DNAH14: variants seen among roughly 807,000 people sequenced by gnomAD.
DNAH14 encodes axonemal beta dynein heavy chain 14.
In DNAH14, 478 loss-of-function variants were observed where a neutral mutation model predicts 520.9. The ratio of observed to expected loss-of-function variants is 0.92; its 90% confidence interval spans 0.85 to 0.99. The LOEUF is 0.99. Among genes scored for constraint, DNAH14 ranks in the 50% least tolerant of loss-of-function variants. The pLI, the probability that DNAH14 is intolerant of heterozygous loss-of-function variation, is 0.00. For synonymous variants in DNAH14, 1,581 were observed against 1,757.2 expected (o/e 0.90, Z 2.51); for missense variants, 4,831 against 5,234.5 (o/e 0.92, Z 2.38).
chr1:225,329,074 C>T (rs1007510814), intron 64 of DNAH14, among the ~76,000 whole-genome samples: 13 of 152,130 alleles, frequency 8.5e-5, no homozygotes, highest in African/African-American at 2.9e-4. Context: ...TTCAAGTCTC[C>T]ATGCTAAACT....
At chr1:225,113,819 G>C (rs922565086) in intron 23 of DNAH14, among the ~76,000 whole-genome samples, 3 of 152,064 alleles carry the variant, frequency 2.0e-5, no homozygotes, top group African/African-American at 7.2e-5. Context: ...AAAGCCCAAG[G>C]GCTCTTTAGT....
chr1:225,073,683 TTTTG>T (rs2071839146), intron 17 of DNAH14, among the ~76,000 whole-genome samples: 1 of 151,930 alleles, frequency 6.6e-6, no homozygotes, highest in African/African-American at 2.4e-5. Flanking sequence ...TGTTGTTTGT[TTTTG>T]TTTTTGTTTT....
At chr1:225,299,508 A>G (rs2150058021) in intron 55 of DNAH14, among the ~76,000 whole-genome samples, 1 of 152,160 alleles carries the variant, frequency 6.6e-6, no homozygotes, top group South Asian at 2.1e-4. Flanking sequence ...TTCTCCCTTC[A>G]CCAAACTTAA....
intron 38 of DNAH14, among the ~76,000 whole-genome samples, chr1:225,194,341 AG>A (rs2085840448): frequency 6.6e-6 from 1 of 152,168 alleles, no homozygotes; most frequent in Non-Finnish European, 1.5e-5. Flanking sequence ...AGAGCAGAAT[AG>A]CCCAGAAATA....
intron 77 of DNAH14, among the ~76,000 whole-genome samples, chr1:225,370,648 A>G (rs1300031063): frequency 6.6e-6 from 1 of 152,112 alleles, no homozygotes; most frequent in African/African-American, 2.4e-5. Flanking sequence ...AAATGTCTCC[A>G]GTATTAAAGA....
intron 8 of DNAH14, among the ~76,000 whole-genome samples, chr1:224,993,215 C>T (rs2063172372): frequency 6.6e-6 from 1 of 152,004 alleles, no homozygotes; most frequent in Admixed American, 6.6e-5. Context: ...TAGTGCTGGG[C>T]CTCATAAAAA....
chr1:224,957,077 G>A (rs2125533567), intron 3 of DNAH14, among the ~76,000 whole-genome samples: 1 of 152,172 alleles, frequency 6.6e-6, no homozygotes, highest in African/African-American at 2.4e-5. Flanking sequence ...GATCACTCTG[G>A]CTGTATATTG....
chr1:225,395,919 G>C (rs2096005224), intron 84 of DNAH14: 1 of 152,164 alleles, frequency 6.6e-6, no homozygotes, highest in African/African-American at 2.4e-5. Context: ...TGAACGTTAG[G>C]AACATGTCAG....
rs774035943 is a variant in DNAH14, at chr1:225,358,567, G to A, written c.11691G>A (p.Lys3897=). 3 of 1,549,420 alleles carry A rather than the reference G, an allele frequency of 1.9e-6. No homozygotes were observed. In the South Asian group the frequency reaches 3.6e-5, roughly 19 times the overall value. Residue 3897 remains lysine, a synonymous_variant, in exon 74 of 86, where the codon AAG becomes AAA. Transcript: ENST00000682510. The part of the protein sequence containing the change: ...RKFITEKMGN[K]YLQRTGVNLK... ...TTATAACTGAAAAAATGGGAAATAA[G>A]TATCTTCAAAGAACTGGAGTTAATT...
intron 69 of DNAH14, among the ~76,000 whole-genome samples, chr1:225,343,020 A>C (rs2095223858): frequency 6.6e-6 from 1 of 152,154 alleles, no homozygotes; most frequent in African/African-American, 2.4e-5. Flanking sequence ...GTATCAGTGC[A>C]ATGTCTTGTA....
chr1:225,160,679 A>G (rs2081427986), intron 35 of DNAH14, among the ~76,000 whole-genome samples: 1 of 152,188 alleles, frequency 6.6e-6, no homozygotes, highest in South Asian at 2.1e-4. Flanking sequence ...GAGTTCAACA[A>G]ACCACTATCT....
intron 72 of DNAH14, among the ~76,000 whole-genome samples, chr1:225,352,997 C>T (rs961646647): frequency 6.6e-6 from 1 of 151,866 alleles, no homozygotes; most frequent in East Asian, 1.9e-4. Context: ...TTTATTGACC[C>T]TTTTTGTAAA....
intron 1 of DNAH14, among the ~76,000 whole-genome samples, chr1:224,952,315 A>T (rs2125495935): frequency 6.6e-6 from 1 of 152,286 alleles, no homozygotes; most frequent in South Asian, 2.1e-4. Context: ...ACTTCTGATG[A>T]CTTTCCTAAG....
chr1:225,335,137 G>T (rs2094901322), intron 66 of DNAH14, among the ~76,000 whole-genome samples: 1 of 126,554 alleles, frequency 7.9e-6, no homozygotes, highest in Non-Finnish European at 1.7e-5. Flanking sequence ...ATATGTGCAT[G>T]TGCACATGTG....
chr1:225,344,223 C>CT (rs35070108), intron 69 of DNAH14, among the ~76,000 whole-genome samples: 16,585 of 140,454 alleles, frequency 0.12, 1,075 homozygotes, highest in East Asian at 0.27. Context: ...TAAAACTGGG[C>CT]TTTTTTTTTT....
intron 36 of DNAH14, among the ~76,000 whole-genome samples, chr1:225,177,123 G>C (rs1453593597): frequency 6.6e-6 from 1 of 152,200 alleles, no homozygotes; most frequent in East Asian, 1.9e-4. Flanking sequence ...TTTTCAAACA[G>C]AGATGAGGAA....
intron 30 of DNAH14, among the ~76,000 whole-genome samples, chr1:225,146,563 G>A (rs1559099525): frequency 6.6e-6 from 1 of 152,222 alleles, no homozygotes; most frequent in Non-Finnish European, 1.5e-5. Context: ...CTGGCAAGTG[G>A]CAGAAGCCCA....
intron 17 of DNAH14, among the ~76,000 whole-genome samples, chr1:225,064,322 T>A (rs2070576367): frequency 6.6e-6 from 1 of 152,054 alleles, no homozygotes; most frequent in South Asian, 2.1e-4. Context: ...ACATTGCAGA[T>A]GATAATGCAA....
chr1:225,014,208 G>A (rs528380481), intron 10 of DNAH14, among the ~76,000 whole-genome samples: 4 of 152,270 alleles, frequency 2.6e-5, no homozygotes, highest in African/African-American at 9.6e-5. Flanking sequence ...GCTAGCGGAG[G>A]GAGTTCCCTG....
Sources: allele counts gnomAD v4.1 joint callset (sites outside exome capture counted in the v4.1 genomes callset), GRCh38; gene constraint gnomAD v4.1.1; transcripts MANE v1.5; gene names NCBI Gene and HGNC (gene_info 2026-07-23, HGNC 2026-07-21).